CACNA2D4: variants seen among roughly 807,000 people sequenced by gnomAD.
The protein encoded by CACNA2D4 is voltage-dependent calcium channel subunit alpha-2/delta-4.
Under a neutral mutation model 163.8 loss-of-function variants are expected in CACNA2D4, and 157 were observed. The observed-to-expected ratio is 0.96, with a 90% CI of 0.84 to 1.09. CACNA2D4 has a LOEUF of 1.09. CACNA2D4 is among the 50% of genes least tolerant of loss of function. The pLI is 0.00. For synonymous variants in CACNA2D4, 598 were observed against 586.9 expected (o/e 1.02, Z -0.27); for missense variants, 1,410 against 1,479.9 (o/e 0.95, Z 0.78).
At chr12:1,841,438 C>T (rs762292254) in intron 25 of CACNA2D4, among the ~76,000 whole-genome samples, 5 of 152,206 alleles carry the variant, frequency 3.3e-5, no homozygotes, top group Non-Finnish European at 7.3e-5. Context: ...GGGCTTGCCT[C>T]GCATTGCTCT....
intron 18 of CACNA2D4, among the ~76,000 whole-genome samples, chr12:1,873,602 C>T (rs901734237): frequency 1.3e-5 from 2 of 152,194 alleles, no homozygotes; most frequent in Non-Finnish European, 2.9e-5. Context: ...AGTGCTGTGG[C>T]CGTGCTGGGC....
intron 6 of CACNA2D4, among the ~76,000 whole-genome samples, 168 bp downstream of exon 6, chr12:1,907,272 G>A (rs1345316088): frequency 2.0e-5 from 3 of 152,204 alleles, no homozygotes; most frequent in East Asian, 1.9e-4. Context: ...TTTAATATGT[G>A]CATATCATGC....
rs1287454690 is a variant in CACNA2D4, at chr12:1,883,204, G to A, written c.1352-204C>T. Among the ~76,000 whole-genome samples, 1 of 152,188 alleles carries A rather than the reference G, an allele frequency of 6.6e-6. No individual in the cohort carries two copies. The highest frequency in any genetic ancestry group is 6.5e-5 in the Admixed American group (1 of 15,276). On this transcript the variant is annotated intron_variant, in intron 12 of 37. Coordinates refer to ENST00000382722, the MANE Select transcript of CACNA2D4 (RefSeq NM_172364.5). The surrounding 1 kb of genome is among the most constrained non-coding windows in gnomAD (Gnocchi z 4.5). ...CCAGTGGGAGGCCAAGGCTCACTCTGCTGCACCCTGGAAGATCTCTGAGGG... is the reference window on the plus strand; with the variant it reads ...CCAGTGGGAGGCCAAGGCTCACTCTACTGCACCCTGGAAGATCTCTGAGGG...
At position 1,878,242 on chromosome 12, in the gene CACNA2D4, T is replaced by G; in HGVS notation, c.1719+73A>C. The G allele has an allele frequency of 6.6e-7, 1 of 1,520,674 alleles. No homozygotes were observed. Among genetic ancestry groups the G allele is most frequent in the Non-Finnish European group, 9.0e-7 (1 of 1,117,158 alleles). The allele number at this position is 1,520,674 out of a possible 1,614,324, so 94.2% of individuals were successfully genotyped here. On this transcript the variant is annotated intron_variant, in intron 16 of 37. Transcript: ENST00000382722. The surrounding 1 kb of genome is among the most constrained non-coding windows in gnomAD (Gnocchi z 4.6). Reference sequence around the variant, plus strand: ...ATGGAGCCCAATGTGTGTTTGTTGTTTTAATCGTTTTTGTGAATTACCCCC... The same window carrying G: ...ATGGAGCCCAATGTGTGTTTGTTGTGTTAATCGTTTTTGTGAATTACCCCC...
chr12:1,866,062 G>A (rs1379761957), intron 18 of CACNA2D4, among the ~76,000 whole-genome samples: 1 of 152,154 alleles, frequency 6.6e-6, no homozygotes, highest in Non-Finnish European at 1.5e-5. Flanking sequence ...GAATAGAAGT[G>A]GTGAGAAGTC....
intron 18 of CACNA2D4, among the ~76,000 whole-genome samples, chr12:1,873,396 A>T (rs1565722343): frequency 6.6e-6 from 1 of 152,190 alleles, no homozygotes; most frequent in African/African-American, 2.4e-5. Flanking sequence ...AGCCTACTGC[A>T]TTTGGTTAGG....
chr12:1,877,335 T>C (rs1865903904), intron 16 of CACNA2D4, among the ~76,000 whole-genome samples: 1 of 152,166 alleles, frequency 6.6e-6, no homozygotes, highest in African/African-American at 2.4e-5. Context: ...GTCATTCTGC[T>C]GGCACTGGGG....
chr12:1,829,056 A>G lies in CACNA2D4; in HGVS notation c.2551+11683T>C, dbSNP rs959019023. ...ACCATGTGAGAGAGGCTGGCCCCTG[A>G]GTGACTCAGATCTCCTTTCAGCCTC... On this transcript the variant is annotated intron_variant, in intron 26 of 37. Transcript: ENST00000382722. The surrounding 1 kb of genome is among the most constrained non-coding windows in gnomAD (Gnocchi z 4.2). 1.3e-5 allele frequency among the ~76,000 whole-genome samples: 2 copies of G among 152,344 alleles called. No individual in the cohort carries two copies. The highest frequency in any genetic ancestry group is 4.8e-5 in the African/African-American group (2 of 41,570).
At chr12:1,858,733 G>A (rs1865457383) in intron 19 of CACNA2D4, 89 bp from the exon 20 acceptor site, 2 of 971,910 alleles carry the variant, frequency 2.1e-6, no homozygotes, top group Non-Finnish European at 3.0e-6. Context: ...CCAACACTAG[G>A]TGTATGGGCT....
chr12:1,833,789 A>G lies in CACNA2D4; in HGVS notation c.2551+6950T>C, dbSNP rs1157979494. 1.3e-5 allele frequency among the ~76,000 whole-genome samples: 2 copies of G among 152,180 alleles called. No individual in the cohort carries two copies. The highest frequency in any genetic ancestry group is 4.8e-5 in the African/African-American group (2 of 41,434). ...CCTTTGAGTGAGAGGTAAGAACCCT[A>G]GAAGGATAAGATGCTGTGTTGAGAA... On this transcript the variant is annotated intron_variant, in intron 26 of 37. Transcript: ENST00000382722. This position sits in a 1 kb window ranked among gnomAD's most constrained non-coding sequence, Gnocchi z 4.2.
chr12:1,842,032 T>C (rs1865035734), intron 25 of CACNA2D4, among the ~76,000 whole-genome samples: 1 of 152,178 alleles, frequency 6.6e-6, no homozygotes, highest in Non-Finnish European at 1.5e-5. Context: ...ACAGCCCATT[T>C]TCTGGGACAG....
chr12:1,797,611 G>T, intron 34 of CACNA2D4, 76 bp from the exon 35 acceptor site: 2 of 1,085,434 alleles, frequency 1.8e-6, no homozygotes, highest in Non-Finnish European at 2.7e-6. Context: ...CACTCCCAGG[G>T]CCAGAGTTCA....
intron 6 of CACNA2D4, among the ~76,000 whole-genome samples, chr12:1,891,877 C>T (rs1866289624): frequency 6.6e-6 from 1 of 151,866 alleles, no homozygotes; most frequent in African/African-American, 2.4e-5. Context: ...ATAACTCAGA[C>T]AAAAATTTTC....
chr12:1,891,183 G>A (rs904625654), intron 6 of CACNA2D4, among the ~76,000 whole-genome samples: 1 of 152,108 alleles, frequency 6.6e-6, no homozygotes, highest in Non-Finnish European at 1.5e-5. Flanking sequence ...GGGACCCAAG[G>A]ACATGCATGC....
Position 1,834,841 on chromosome 12 carries a change from C to T in CACNA2D4, c.2551+5898G>A. 7.0e-7 allele frequency: 1 copy of T among 1,432,436 alleles called. No homozygotes were observed. Among genetic ancestry groups the T allele is most frequent in the South Asian group, 1.5e-5 (1 of 67,498 alleles). The allele number at this position is 1,432,436 out of a possible 1,614,324, so 88.7% of individuals were successfully genotyped here. ...CTCCCCGAGTCCACCCTCCTCCCCGCCCTCCAGCAGACAAGCCACACCGGG... is the reference window on the plus strand; with the variant it reads ...CTCCCCGAGTCCACCCTCCTCCCCGTCCTCCAGCAGACAAGCCACACCGGG... On this transcript the variant is annotated intron_variant, in intron 26 of 37. Coordinates refer to ENST00000382722, the MANE Select transcript of CACNA2D4 (RefSeq NM_172364.5). The surrounding 1 kb of genome is among the most constrained non-coding windows in gnomAD (Gnocchi z 7.6).
intron 18 of CACNA2D4, among the ~76,000 whole-genome samples, chr12:1,871,610 C>A (rs754524169): frequency 1.8e-4 from 25 of 142,256 alleles, no homozygotes; most frequent in African/African-American, 6.7e-4. Flanking sequence ...ACATGTATGC[C>A]GCTCGTGTGT....
At chr12:1,868,841 G>A (rs1592722063) in intron 18 of CACNA2D4, among the ~76,000 whole-genome samples, 1 of 152,282 alleles carries the variant, frequency 6.6e-6, no homozygotes, top group East Asian at 1.9e-4. Context: ...AATATGTACA[G>A]ACTTTTTCTG....
rs750636655 is a variant in CACNA2D4, at chr12:1,879,863, G to C, written c.1504C>G (p.Gln502Glu). Residue 502 changes from glutamine (Q) to glutamate (E), a missense_variant, in exon 14 of 38, where the codon CAG (glutamine) becomes GAG (glutamate). Transcript: ENST00000382722. ...MDSKLLSSQA[Q>E]SLTLLTTVAM... ...ACAGTGGTGAGCAGTGTCAGGCTCT[G>C]AGCCTGCGAGCTGAGGAGCTGTAAG... 1.3e-6 allele frequency: 2 copies of C among 1,599,364 alleles called. No homozygotes were observed. Among genetic ancestry groups the C allele is most frequent in the African/African-American group, 2.7e-5 (2 of 74,650 alleles).
In CACNA2D4 at chr12:1,797,559, C is replaced by T. The variant is rs188163917; in HGVS notation, c.2996-24G>A. On this transcript the variant is annotated intron_variant, in intron 34 of 37. Transcript: ENST00000382722. Reference sequence around the variant, plus strand: ...GGCTGCGGGCGGAGAAAGGACATCACGCCACCGAAGGGGCCTCTGGCCTGC... The same window carrying T: ...GGCTGCGGGCGGAGAAAGGACATCATGCCACCGAAGGGGCCTCTGGCCTGC... 2.5e-4 allele frequency: 381 copies of T among 1,532,284 alleles called. No individual in the cohort carries two copies. In the African/African-American group the frequency reaches 4.4e-3, roughly 18 times the overall value. The allele number at this position is 1,532,284 out of a possible 1,614,324, so 94.9% of individuals were successfully genotyped here.
Sources: gnomAD v4.1 joint callset for allele counts (sites outside exome capture counted in the v4.1 genomes callset) on GRCh38, gnomAD v4.1.1 for gene constraint, Gnocchi (gnomAD v3.1) non-coding constraint, MANE v1.5 for transcripts, NCBI Gene and HGNC (gene_info 2026-07-23, HGNC 2026-07-21) for gene names.